Variants in MAP3K10 observed in about 807,000 individuals in gnomAD.
The protein encoded by MAP3K10 is mitogen-activated protein kinase kinase kinase 10, also known as MKN28 derived nonreceptor_type serine/threonine kinase.
A neutral mutation model predicts 75.0 loss-of-function variants in MAP3K10; 22 were observed. That is an observed-to-expected ratio of 0.29 (90% CI 0.21 to 0.42). The LOEUF (loss-of-function observed/expected upper bound fraction) is 0.42, where lower values mean the gene tolerates loss of function less well. MAP3K10 is among the 10% of genes least tolerant of loss of function. The pLI, the probability that MAP3K10 is intolerant of heterozygous loss-of-function variation, is 1.00. For synonymous variants in MAP3K10, 599 were observed against 612.9 expected (o/e 0.98, Z 0.34); for missense variants, 1,165 against 1,379.8 (o/e 0.84, Z 2.47).
At chr19:40,193,497 A>G (rs1972853780) in intron 1 of MAP3K10, among the ~76,000 whole-genome samples, 1 of 152,232 alleles carries the variant, frequency 6.6e-6, no homozygotes, top group Non-Finnish European at 1.5e-5. Context: ...TAGATGGAAG[A>G]GCTTCATGTG....
Position 40,214,008 on chromosome 19 carries a change from C to CCCCCCA in MAP3K10, c.2330_2331insCCCCAC (p.Pro778_Ser779insThrPro). On this transcript the variant is annotated inframe_insertion, in exon 9 of 10. Transcript: ENST00000253055. Reference sequence around the variant, plus strand: ...GGCCGCACCGGCCGCGCCCTCCCCACCACCCTCCCCGCCCGCGCCCACACC... The same window carrying CCCCCCA: ...GGCCGCACCGGCCGCGCCCTCCCCACCCCCCACACCCTCCCCGCCCGCGCCCACACC... 1 of 1,477,632 alleles carries CCCCCCA rather than the reference C, an allele frequency of 6.8e-7. No individual in the cohort carries two copies. The highest frequency in any genetic ancestry group is 9.0e-7 in the Non-Finnish European group (1 of 1,112,190). 91.5% of individuals were successfully genotyped at this position (1,477,632 alleles called of 1,614,324 possible).
chr19:40,196,842 A>G (rs1350831411), intron 1 of MAP3K10, among the ~76,000 whole-genome samples: 1 of 152,156 alleles, frequency 6.6e-6, no homozygotes, highest in East Asian at 1.9e-4. Context: ...TAAAAAAATA[A>G]AAAAGGGCTC....
Position 40,206,090 on chromosome 19 carries a change from G to C in MAP3K10, c.1368G>C (p.Lys456Asn). ...SQEKPRVRKR[K>N]GNFKRSRLLK... ...AGAAGCCCCGGGTCCGCAAGCGCAA[G>C]GGCAACTTCAAGCGCAGCCGCCTGC... The change falls in exon 5 of 10, where the codon AAG becomes AAC. Residue 456 changes from lysine to asparagine, a missense_variant. Lys to Asn is a moderately conservative substitution (Grantham distance 94, BLOSUM62 0). Transcript: ENST00000253055. 1 of 1,613,418 alleles carries C rather than the reference G, an allele frequency of 6.2e-7. No individual in the cohort carries two copies. Among genetic ancestry groups the C allele is most frequent in the Non-Finnish European group, 8.5e-7 (1 of 1,179,744 alleles).
Position 40,191,761 on chromosome 19 carries a change from T to G in MAP3K10, c.-271T>G. 1 of 356,262 alleles carries G rather than the reference T, an allele frequency of 2.8e-6. No individual in the cohort carries two copies. Among genetic ancestry groups the G allele is most frequent in the Non-Finnish European group, 5.0e-6 (1 of 198,996 alleles). 22.1% of individuals were successfully genotyped at this position (356,262 alleles called of 1,614,324 possible). ...TCGAGAGCCGCGCGGCCAGGCCCTCTTAGCCCTCTGCCGTTTGGGGGGCAC... is the reference window on the plus strand; with the variant it reads ...TCGAGAGCCGCGCGGCCAGGCCCTCGTAGCCCTCTGCCGTTTGGGGGGCAC... On this transcript the variant is annotated 5_prime_UTR_variant, in exon 1 of 10. Transcript: ENST00000253055.
chr19:40,204,726 G>A lies in MAP3K10; in HGVS notation c.1012+93G>A, dbSNP rs1021441150. On this transcript the variant is annotated intron_variant, in intron 3 of 9. Coordinates refer to ENST00000253055, the MANE Select transcript of MAP3K10 (RefSeq NM_002446.4). The surrounding 1 kb of genome is among the most constrained non-coding windows in gnomAD (Gnocchi z 4.3). ...TTCCCCTTCACACCTATCCATACCA[G>A]TGGGCCCAGGAGTGAGGAAGAAGGG... The A allele has an allele frequency of 6.9e-7, 1 of 1,444,706 alleles. No individual in the cohort carries two copies. The allele number at this position is 1,444,706 out of a possible 1,614,324, so 89.5% of individuals were successfully genotyped here. A position where few individuals can be genotyped will look rare whatever the true frequency, so the allele number is the denominator to read the frequency against.
intron 5 of MAP3K10, 115 bp downstream of exon 5, chr19:40,206,272 CAT>C (rs923954602): frequency 6.1e-6 from 8 of 1,301,462 alleles, no homozygotes; most frequent in Non-Finnish European, 7.3e-6. Flanking sequence ...ATATATCGCA[CAT>C]AGTCAGTGAT....
Position 40,214,825 on chromosome 19 carries a change from A to G in MAP3K10, c.2543-145A>G, listed in dbSNP as rs2145103114. ...TCTAGGTCAAGGTCCCAGCACTGCC[A>G]CACTACAGATGGAAACTGGATGCAG... On this transcript the variant is annotated intron_variant, in intron 9 of 9. Coordinates refer to ENST00000253055, the MANE Select transcript of MAP3K10 (RefSeq NM_002446.4). The G allele has an allele frequency of 2.8e-5, 17 of 604,860 alleles. No homozygotes were observed. The South Asian group carries it at 3.2e-4, about 11-fold the overall frequency. The allele number at this position is 604,860 out of a possible 1,614,324, so 37.5% of individuals were successfully genotyped here. A position where few individuals can be genotyped will look rare whatever the true frequency, so the allele number is the denominator to read the frequency against.
Position 40,213,764 on chromosome 19 carries a change from C to T in MAP3K10, c.2085C>T (p.Arg695=), listed in dbSNP as rs1316965884. ...TGGGCGCCGACGTGGCCGAGGCGCGCGCGGCCGACGGTGAGGAGCAGCGGC... is the reference window on the plus strand; with the variant it reads ...TGGGCGCCGACGTGGCCGAGGCGCGTGCGGCCGACGGTGAGGAGCAGCGGC... ...VGLGADVAEA[R]AADGEEQRRW... The change falls in exon 9 of 10, where the codon CGC becomes CGT. Residue 695 remains arginine (R), a synonymous_variant. Coordinates refer to ENST00000253055, the MANE Select transcript of MAP3K10 (RefSeq NM_002446.4). This position sits in a 1 kb window ranked among gnomAD's most constrained non-coding sequence, Gnocchi z 5.7. 3 of 1,136,808 alleles carry T rather than the reference C, an allele frequency of 2.6e-6. No homozygotes were observed. Among genetic ancestry groups the T allele is most frequent in the African/African-American group, 1.7e-5 (1 of 59,154 alleles). The allele number at this position is 1,136,808 out of a possible 1,614,324, so 70.4% of individuals were successfully genotyped here.
Position 40,198,298 on chromosome 19 carries a change from C to T in MAP3K10, c.683-77C>T. 7.2e-7 allele frequency: 1 copy of T among 1,396,530 alleles called. No individual in the cohort carries two copies. 86.5% of individuals were successfully genotyped at this position (1,396,530 alleles called of 1,614,324 possible). A position where few individuals can be genotyped will look rare whatever the true frequency, so the allele number is the denominator to read the frequency against. On this transcript the variant is annotated intron_variant, in intron 1 of 9. Transcript: ENST00000253055. This position sits in a 1 kb window ranked among gnomAD's most constrained non-coding sequence, Gnocchi z 4.3. ...AGTGAGAGGAAAGACGTGTTTCTAGCTGAGGCAGCGGGCCAGAACACTTGG... is the reference window on the plus strand; with the variant it reads ...AGTGAGAGGAAAGACGTGTTTCTAGTTGAGGCAGCGGGCCAGAACACTTGG...
intron 2 of MAP3K10, among the ~76,000 whole-genome samples, chr19:40,199,623 G>A (rs1015470676): frequency 5.3e-5 from 8 of 152,088 alleles, no homozygotes; most frequent in Admixed American, 5.2e-4. Flanking sequence ...AGGAGAGGGA[G>A]CTGGAAGGCC....
Position 40,213,158 on chromosome 19 carries a change from G to C in MAP3K10, c.1807G>C (p.Ala603Pro). The C allele has an allele frequency of 1.9e-6, 3 of 1,592,868 alleles. No homozygotes were observed. The highest frequency in any genetic ancestry group is 2.6e-6 in the Non-Finnish European group (3 of 1,170,906). Residue 603 changes from alanine (A) to proline (P), a missense_variant, in exon 8 of 10, where the codon GCC becomes CCC. Ala to Pro is a conservative substitution (Grantham distance 27). This residue lies in a region of MAP3K10 where 590 missense variants were observed against 586.6 expected (regional missense o/e 1.01). Transcript: ENST00000253055. The surrounding 1 kb of genome is among the most constrained non-coding windows in gnomAD (Gnocchi z 5.7). Reference protein sequence around the residue: ...LGKSPKHTPIAPGFASLNEME... With the variant: ...LGKSPKHTPIPPGFASLNEME... ...CAAGTCCCCCAAACACACACCCATCGCCCCTGGCTTTGCCAGCCTCAATGA... is the reference window on the plus strand; with the variant it reads ...CAAGTCCCCCAAACACACACCCATCCCCCCTGGCTTTGCCAGCCTCAATGA...
Position 40,198,389 on chromosome 19 carries a change from G to A in MAP3K10, c.697G>A (p.Ala233Thr). The change falls in exon 2 of 10, where the codon GCC becomes ACC. Residue 233 changes from alanine (A) to threonine (T), a missense_variant. Physicochemically the swap from Ala to Thr is moderately conservative, Grantham distance 58. Coordinates refer to ENST00000253055, the MANE Select transcript of MAP3K10 (RefSeq NM_002446.4). The surrounding 1 kb of genome is among the most constrained non-coding windows in gnomAD (Gnocchi z 4.3). Reference protein sequence around the residue: ...LKSINILILEAIENHNLADTV... With the variant: ...LKSINILILETIENHNLADTV... Reference sequence around the variant, plus strand: ...CCACCCCACAGTCCTGATCCTGGAGGCCATCGAGAACCACAACCTCGCAGA... The same window carrying A: ...CCACCCCACAGTCCTGATCCTGGAGACCATCGAGAACCACAACCTCGCAGA... The A allele has an allele frequency of 1.2e-6, 2 of 1,613,254 alleles. No homozygotes were observed. Among genetic ancestry groups the A allele is most frequent in the East Asian group, 4.5e-5 (2 of 44,870 alleles).
chr19:40,214,341 G>A, intron 9 of MAP3K10, 120 bp downstream of exon 9: 1 of 1,198,844 alleles, frequency 8.3e-7, no homozygotes, highest in Non-Finnish European at 1.1e-6. Context: ...TTGTGGAGGA[G>A]GGAGGGTCTG....
intron 2 of MAP3K10, among the ~76,000 whole-genome samples, chr19:40,201,948 T>A (rs1973033366): frequency 6.6e-6 from 1 of 151,914 alleles, no homozygotes; most frequent in East Asian, 1.9e-4. Context: ...GGTATTTGCC[T>A]AATGCTCTCC....
chr19:40,214,869 C>G (rs892368448), intron 9 of MAP3K10, 101 bp from the exon 10 acceptor site: 3 of 646,730 alleles, frequency 4.6e-6, no homozygotes, highest in African/African-American at 3.6e-5. Context: ...ACGGATTTCT[C>G]GAGAGAAACC....
At chr19:40,207,180 C>T (rs2145088390) in intron 5 of MAP3K10, among the ~76,000 whole-genome samples, 1 of 152,204 alleles carries the variant, frequency 6.6e-6, no homozygotes, top group South Asian at 2.1e-4. Flanking sequence ...TCACATGGAT[C>T]AACCTAATAG....
Position 40,214,156 on chromosome 19 carries a change from G to A in MAP3K10, c.2477G>A (p.Arg826Gln), listed in dbSNP as rs1359177551. Reference sequence around the variant, plus strand: ...GCATGCGCTGTGAGCCGCGGGCACCGGCGGACGCCATCGGACGGGGCGCTG... The same window carrying A: ...GCATGCGCTGTGAGCCGCGGGCACCAGCGGACGCCATCGGACGGGGCGCTG... ...TAACAVSRGH[R>Q]RTPSDGALGQ... is the part of the protein sequence containing the mutation. The change falls in exon 9 of 10, where the codon CGG becomes CAG. Residue 826 changes from arginine (R) to glutamine (Q), a missense_variant. Physicochemically the swap from Arg to Gln is conservative, Grantham distance 43 (BLOSUM62 1). This residue lies in a region of MAP3K10 where 590 missense variants were observed against 586.6 expected (regional missense o/e 1.01). Coordinates refer to ENST00000253055, the MANE Select transcript of MAP3K10 (RefSeq NM_002446.4). The A allele has an allele frequency of 1.3e-6, 2 of 1,531,070 alleles. No homozygotes were observed. The highest frequency in any genetic ancestry group is 1.4e-5 in the African/African-American group (1 of 71,176). 94.8% of individuals were successfully genotyped at this position (1,531,070 alleles called of 1,614,324 possible).
rs770472169 is a variant in MAP3K10 at position 40,205,383 on chromosome 19, C to T, written c.1188+87C>T. The T allele has an allele frequency of 4.2e-6, 6 of 1,437,422 alleles. No homozygotes were observed. Among genetic ancestry groups the T allele is most frequent in the Non-Finnish European group, 5.7e-6 (6 of 1,043,600 alleles). 89.0% of individuals were successfully genotyped at this position (1,437,422 alleles called of 1,614,324 possible). On this transcript the variant is annotated intron_variant, in intron 4 of 9. Transcript: ENST00000253055. This position sits in a 1 kb window ranked among gnomAD's most constrained non-coding sequence, Gnocchi z 4.3. ...CTGCTCAGAGACTCCTCCCCTGAAC[C>T]CCAGCCTTTGGGTCCATGCAGGGTC...
intron 1 of MAP3K10, among the ~76,000 whole-genome samples, chr19:40,195,471 CTTT>C (rs61289931): frequency 4.3e-4 from 21 of 48,650 alleles, no homozygotes; most frequent in South Asian, 1.2e-3. Context: ...CCCGCCCGGC[CTTT>C]TTTTTTTTTT....
Sources: allele counts gnomAD v4.1 joint callset (sites outside exome capture counted in the v4.1 genomes callset), GRCh38; gene constraint gnomAD v4.1.1; regional missense constraint gnomAD v4.1.1; non-coding constraint Gnocchi (gnomAD v3.1); transcripts MANE v1.5; gene names NCBI Gene and HGNC (gene_info 2026-07-23, HGNC 2026-07-21).